The following CTNND2 variants were observed in gnomAD, a reference collection of about 807,000 sequenced individuals.
The protein encoded by CTNND2 is catenin delta-2.
A neutral mutation model predicts 144.4 loss-of-function variants in CTNND2; 22 were observed. That is an observed-to-expected ratio of 0.15 (90% CI 0.11 to 0.22). The LOEUF (loss-of-function observed/expected upper bound fraction) is 0.22. CTNND2 is among the 10% of genes least tolerant of loss of function. The pLI is 1.00. For synonymous variants in CTNND2, 751 were observed against 695.6 expected (o/e 1.08, Z -1.25); for missense variants, 1,353 against 1,618.8 (o/e 0.84, Z 2.82).
At chr5:11,797,936 C>A (rs1052912039) in intron 1 of CTNND2, among the ~76,000 whole-genome samples, 4 of 152,100 alleles carry the variant, frequency 2.6e-5, no homozygotes, top group Non-Finnish European at 5.9e-5. Flanking sequence ...TACCACAGAG[C>A]AAAAGTTAAC....
intron 2 of CTNND2, among the ~76,000 whole-genome samples, chr5:11,678,666 ACT>A (rs1379291732): frequency 6.6e-6 from 1 of 152,224 alleles, no homozygotes; most frequent in East Asian, 1.9e-4. Context: ...TAGCTAAAAT[ACT>A]GCAAATCATG....
chr5:11,182,176 G>A (rs369302240), intron 11 of CTNND2, among the ~76,000 whole-genome samples: 4 of 147,120 alleles, frequency 2.7e-5, no homozygotes, highest in African/African-American at 5.0e-5. Flanking sequence ...GTGAGTGGGC[G>A]TGTGGTGTGT....
At chr5:11,819,287 A>T (rs1433474617) in intron 1 of CTNND2, among the ~76,000 whole-genome samples, 1 of 152,026 alleles carries the variant, frequency 6.6e-6, no homozygotes, top group Non-Finnish European at 1.5e-5. Context: ...TACAAAACTT[A>T]GCCAGGAGTG....
intron 12 of CTNND2, among the ~76,000 whole-genome samples, chr5:11,147,929 T>C (rs960194821): frequency 2.0e-5 from 3 of 152,200 alleles, no homozygotes; most frequent in African/African-American, 7.2e-5. Flanking sequence ...CACATGTCCA[T>C]CAATGGATAA....
intron 9 of CTNND2, among the ~76,000 whole-genome samples, chr5:11,322,347 A>G (rs1752118992): frequency 6.6e-6 from 1 of 152,110 alleles, no homozygotes; most frequent in African/African-American, 2.4e-5. Context: ...TATCTTACTC[A>G]TCTTGGTAAT....
intron 15 of CTNND2, among the ~76,000 whole-genome samples, chr5:11,094,404 GTCTTTTCTCTTTGCCACCACAGTATCTAC>G (rs1751113725): frequency 6.6e-6 from 1 of 150,940 alleles, no homozygotes; most frequent in African/African-American, 2.4e-5. Context: ...TAACTCCTCT[GTCTTTTCTCTTTGCCACCACAGTATCTAC>G]TCTCCCTCCT....
At chr5:11,368,804 A>C (rs1757204129) in intron 7 of CTNND2, among the ~76,000 whole-genome samples, 1 of 152,192 alleles carries the variant, frequency 6.6e-6, no homozygotes, top group African/African-American at 2.4e-5. Context: ...GAAACACACC[A>C]AACTCTTTGA....
At chr5:11,493,753 A>G (rs757225109) in intron 3 of CTNND2, among the ~76,000 whole-genome samples, 1 of 152,196 alleles carries the variant, frequency 6.6e-6, no homozygotes, top group Non-Finnish European at 1.5e-5. Flanking sequence ...TTCAGACTTC[A>G]TTTTATCAGA....
intron 1 of CTNND2, among the ~76,000 whole-genome samples, chr5:11,762,690 T>C (rs12521958): frequency 0.88 from 133,637 of 152,160 alleles, 60,806 homozygotes; most frequent in Non-Finnish European, 0.99. Context: ...GAATAATAAG[T>C]TTATCGTCCT....
chr5:11,569,249 C>T (rs1777368481), intron 2 of CTNND2, among the ~76,000 whole-genome samples: 2 of 152,048 alleles, frequency 1.3e-5, no homozygotes, highest in African/African-American at 4.8e-5. Context: ...TAAGAAAAAG[C>T]AGAGCAGTGT....
intron 9 of CTNND2, among the ~76,000 whole-genome samples, chr5:11,309,867 T>C (rs942313814): frequency 1.3e-5 from 2 of 152,100 alleles, no homozygotes; most frequent in Non-Finnish European, 2.9e-5. Flanking sequence ...GTGATAATCA[T>C]TGAGTTCTCA....
intron 15 of CTNND2, among the ~76,000 whole-genome samples, chr5:11,088,691 C>G (rs1447075166): frequency 1.3e-5 from 2 of 152,026 alleles, no homozygotes; most frequent in Admixed American, 1.3e-4. Flanking sequence ...ATTGATAAGC[C>G]CTTTCAGTCT....
rs1465194722 is a variant in CTNND2, at chr5:11,756,647, T to C, written c.38-24375A>G. On this transcript the variant is annotated intron_variant, in intron 1 of 21. Coordinates refer to ENST00000304623, the MANE Select transcript of CTNND2 (RefSeq NM_001332.4). Reference sequence around the variant, plus strand: ...ACAAATCGATATACACACACATACATACACACACACACACACACACACACA... The same window carrying C: ...ACAAATCGATATACACACACATACACACACACACACACACACACACACACA... Among the ~76,000 whole-genome samples, 3 of 149,598 alleles carry C rather than the reference T, an allele frequency of 2.0e-5. No homozygotes were observed. In the East Asian group the frequency reaches 5.9e-4, roughly 30 times the overall value.
chr5:11,243,282 T>G (rs1466644618), intron 9 of CTNND2, among the ~76,000 whole-genome samples: 1 of 152,222 alleles, frequency 6.6e-6, no homozygotes, highest in Non-Finnish European at 1.5e-5. Context: ...CACCATTAAC[T>G]GTCTCTGCAG....
rs771157726 is a variant in CTNND2, at chr5:11,117,598, TC to T, written c.2160-32del. On this transcript the variant is annotated intron_variant, in intron 12 of 21. Transcript: ENST00000304623. ...AAGCAAAAGGACACGTCAGCGATCT[TC>T]ACGGTTGTCACCAAAAGAATGTCTT... 2.0e-6 allele frequency: 3 copies of T among 1,537,732 alleles called. No individual in the cohort carries two copies. In the South Asian group the frequency reaches 3.4e-5, roughly 17 times the overall value.
At chr5:11,818,004 T>TTC (rs1554126308) in intron 1 of CTNND2, among the ~76,000 whole-genome samples, 33,448 of 93,568 alleles carry the variant, frequency 0.36, 6,938 homozygotes, top group Middle Eastern at 0.49. Context: ...TTTTTTTTTT[T>TTC]CAGTTCTCCT....
chr5:11,087,103 CA>C (rs1371821065), intron 15 of CTNND2, among the ~76,000 whole-genome samples: 2 of 152,184 alleles, frequency 1.3e-5, no homozygotes, highest in African/African-American at 4.8e-5. Context: ...TTTTCTTTAT[CA>C]AATTAGCCAT....
intron 9 of CTNND2, among the ~76,000 whole-genome samples, chr5:11,262,304 A>C (rs1744943086): frequency 6.6e-6 from 1 of 152,116 alleles, no homozygotes; most frequent in South Asian, 2.1e-4. Context: ...CACCATACTG[A>C]AGGTAACCAA....
At chr5:11,765,490 G>A (rs1011329455) in intron 1 of CTNND2, among the ~76,000 whole-genome samples, 3 of 152,142 alleles carry the variant, frequency 2.0e-5, no homozygotes, top group Non-Finnish European at 2.9e-5. Flanking sequence ...GGCCAGACAA[G>A]GTCTGTGTCC....
Sources: gnomAD v4.1 joint callset for allele counts (sites outside exome capture counted in the v4.1 genomes callset) on GRCh38, gnomAD v4.1.1 for gene constraint, MANE v1.5 for transcripts, NCBI Gene and HGNC (gene_info 2026-07-23, HGNC 2026-07-21) for gene names.